The following RFC1 variants were observed in gnomAD, a reference collection of about 807,000 sequenced individuals.
RFC1 encodes replication factor C subunit 1, also known as A1 140 kDa subunit.
A neutral mutation model predicts 137.4 loss-of-function variants in RFC1; 37 were observed. The ratio of observed to expected loss-of-function variants is 0.27; its 90% CI spans 0.21 to 0.35. The LOEUF (loss-of-function observed/expected upper bound fraction) is 0.35. Among genes scored for constraint, RFC1 ranks in the 10% least tolerant of loss-of-function variants. The pLI, the probability that RFC1 is intolerant of heterozygous loss-of-function variation, is 1.00. For missense variants in RFC1, 1,205 were observed against 1,358.5 expected (o/e 0.89, Z 1.78); for synonymous variants, 429 against 455.7 (o/e 0.94, Z 0.75).
chr4:39,311,612 C>CA (rs572137196), intron 11 of RFC1, 63 bp from the exon 12 acceptor site: 37,099 of 927,418 alleles, frequency 0.04, 1 homozygote, highest in East Asian at 0.074. Flanking sequence ...CCTTCTCTTA[C>CA]AAAAAAAAAA....
chr4:39,339,667 A>AT (rs1394533907), intron 4 of RFC1, among the ~76,000 whole-genome samples: 2 of 151,716 alleles, frequency 1.3e-5, no homozygotes, highest in Non-Finnish European at 2.9e-5. Flanking sequence ...TGATTTGCAA[A>AT]TTTTTTCCCA....
intron 10 of RFC1, among the ~76,000 whole-genome samples, chr4:39,314,106 C>A (rs1349909931): frequency 6.6e-6 from 1 of 152,180 alleles, no homozygotes; most frequent in Non-Finnish European, 1.5e-5. Context: ...AATTCAAAGA[C>A]TGCCTCCATG....
intron 10 of RFC1, among the ~76,000 whole-genome samples, chr4:39,313,685 T>C (rs1445900294): frequency 1.3e-5 from 2 of 151,966 alleles, no homozygotes; most frequent in Non-Finnish European, 2.9e-5. Context: ...TACTGTTTTA[T>C]GGGAAAAAAG....
chr4:39,320,643 T>C lies in RFC1; in HGVS notation c.835A>G (p.Arg279Gly). 1 of 1,584,816 alleles carries C rather than the reference T, an allele frequency of 6.3e-7. No individual in the cohort carries two copies. The highest frequency in any genetic ancestry group is 8.5e-7 in the Non-Finnish European group (1 of 1,171,578). ...TGCTTCCTAGGACTGTAGCTCTTTC[T>C]TTCATCTGAAACTTGTGCTGTTTTT... ...KVKTAQVSDE[R>G]KSYSPRKQSK... Residue 279 changes from arginine to glycine, a missense_variant, in exon 9 of 25, where the codon AGA becomes GGA. Arg to Gly is a moderately radical substitution (Grantham distance 125). Transcript: ENST00000349703.
chr4:39,307,062 T>A (rs757068757), intron 13 of RFC1, among the ~76,000 whole-genome samples: 1 of 152,134 alleles, frequency 6.6e-6, no homozygotes, highest in Non-Finnish European at 1.5e-5. Context: ...GTGGGTACTT[T>A]AGAAGTGACT....
At chr4:39,359,079 T>C (rs1197069801) in intron 1 of RFC1, among the ~76,000 whole-genome samples, 1 of 152,180 alleles carries the variant, frequency 6.6e-6, no homozygotes, top group African/African-American at 2.4e-5. Context: ...TCTCCATGCA[T>C]AGCACCACCA....
chr4:39,343,899 G>C (rs992335332), intron 3 of RFC1, among the ~76,000 whole-genome samples: 3 of 152,088 alleles, frequency 2.0e-5, no homozygotes, highest in Non-Finnish European at 4.4e-5. Flanking sequence ...AATCACCTGA[G>C]GTCAGGAGTT....
chr4:39,346,943 C>G (rs1302512809), intron 2 of RFC1, among the ~76,000 whole-genome samples: 2 of 152,122 alleles, frequency 1.3e-5, no homozygotes, highest in Non-Finnish European at 2.9e-5. Context: ...CAGCTGCTGC[C>G]CATTACAGGG....
intron 6 of RFC1, 73 bp from the exon 7 acceptor site, chr4:39,323,490 T>C (rs1739622127): frequency 8.0e-7 from 1 of 1,243,428 alleles, no homozygotes; most frequent in Admixed American, 1.8e-5. Context: ...AAATGTCTGA[T>C]TCATATATTT....
chr4:39,354,014 C>A (rs1427713932), intron 1 of RFC1, among the ~76,000 whole-genome samples: 2 of 152,150 alleles, frequency 1.3e-5, no homozygotes, highest in Non-Finnish European at 2.9e-5. Context: ...TGCACTGCCA[C>A]TCCTTAGCAC....
intron 12 of RFC1, among the ~76,000 whole-genome samples, chr4:39,310,181 G>A (rs1329567012): frequency 6.6e-6 from 1 of 152,114 alleles, no homozygotes; most frequent in East Asian, 1.9e-4. Context: ...TCCAAACTGA[G>A]AGACATTCCA....
intron 10 of RFC1, 120 bp from the exon 11 acceptor site, chr4:39,313,051 T>A (rs935166975): frequency 1.2e-6 from 1 of 835,300 alleles, no homozygotes; most frequent in African/African-American, 1.7e-5. Context: ...AACCTTGGCA[T>A]GGAAAGTTTG....
At position 39,312,884 on chromosome 4, in the gene RFC1, C is replaced by T. The variant is rs559657302; in HGVS notation, c.1251G>A (p.Val417=). The T allele has an allele frequency of 2.5e-6, 4 of 1,614,132 alleles. No homozygotes were observed. In the African/African-American group the frequency reaches 4.0e-5, roughly 16 times the overall value. Residue 417 remains valine (V), a synonymous_variant, in exon 11 of 25, where the codon GTG becomes GTA. Coordinates refer to ENST00000349703, the MANE Select transcript of RFC1 (RefSeq NM_002913.5). ...LEGLIFVITG[V]LESIERDEAK... is the part of the protein sequence containing the mutation. ...CCTCATCTCGTTCAATAGACTCCAG[C>T]ACGCCTGTGATTACAAATATAAGGC...
At position 39,366,353 on chromosome 4, in the gene RFC1, A is replaced by C. The variant is rs1021292190; in HGVS notation, c.-112T>G. ...ACAACTTCTCCCGCGAAGTGCAAGA[A>C]GGCGAAGACAGTGGCGCGCGGTGAT... On this transcript the variant is annotated 5_prime_UTR_variant, in exon 1 of 25. Transcript: ENST00000349703. The C allele has an allele frequency of 4.2e-5, 53 of 1,276,404 alleles. No individual in the cohort carries two copies. In the African/African-American group the frequency reaches 7.7e-4, roughly 19 times the overall value. The allele number at this position is 1,276,404 out of a possible 1,614,324, so 79.1% of individuals were successfully genotyped here.
chr4:39,291,556 A>G, intron 23 of RFC1, 83 bp downstream of exon 23: 1 of 947,448 alleles, frequency 1.1e-6, no homozygotes, highest in Non-Finnish European at 1.7e-6. Context: ...TAAATCTTAA[A>G]GCATCTAAAA....
chr4:39,302,555 A>G lies in RFC1; in HGVS notation c.2381T>C (p.Ile794Thr). 6.2e-7 allele frequency: 1 copy of G among 1,611,914 alleles called. No homozygotes were observed. Among genetic ancestry groups the G allele is most frequent in the African/African-American group, 1.3e-5 (1 of 74,968 alleles). Residue 794 changes from isoleucine to threonine, a missense_variant, in exon 18 of 25, where the codon ATT becomes ACT. Coordinates refer to ENST00000349703, the MANE Select transcript of RFC1 (RefSeq NM_002913.5). Reference sequence around the variant, plus strand: ...TATTTCATTCATAGCTGGAGGGGGAATCTTTAAACCTTCTTTAAATGCAAT... The same window carrying G: ...TATTTCATTCATAGCTGGAGGGGGAGTCTTTAAACCTTCTTTAAATGCAAT... ...MSIAFKEGLK[I>T]PPPAMNEIIL... is the part of the protein sequence containing the mutation.
At chr4:39,365,176 A>AAAAAAAAG (rs1741962705) in intron 1 of RFC1, among the ~76,000 whole-genome samples, 1 of 148,576 alleles carries the variant, frequency 6.7e-6, no homozygotes, top group Non-Finnish European at 1.5e-5. Context: ...AAAAAAAAAA[A>AAAAAAAAG]CCATGGAAAA....
chr4:39,349,550 G>A (rs1167387774), intron 2 of RFC1, among the ~76,000 whole-genome samples: 1 of 152,120 alleles, frequency 6.6e-6, no homozygotes, highest in East Asian at 1.9e-4. Flanking sequence ...GCAGGAAAAA[G>A]GCCCTCACCA....
At chr4:39,365,691 A>C (rs56124022) in intron 1 of RFC1, among the ~76,000 whole-genome samples, 150 of 152,336 alleles carry the variant, frequency 9.8e-4, no homozygotes, top group African/African-American at 3.5e-3. Flanking sequence ...TAAACAAAAT[A>C]AAATATCCTC....
Sources: allele counts gnomAD v4.1 joint callset (sites outside exome capture counted in the v4.1 genomes callset), GRCh38; gene constraint gnomAD v4.1.1; transcripts MANE v1.5; gene names NCBI Gene and HGNC (gene_info 2026-07-23, HGNC 2026-07-21).